Variants in RFX3 observed in about 807,000 individuals in gnomAD.
RFX3 encodes the protein regulatory factor X3.
RFX3 carries 14 observed loss-of-function variants against 98.6 expected under a neutral mutation model. The observed-to-expected ratio is 0.14, with a 90% CI of 0.09 to 0.22. The LOEUF (loss-of-function observed/expected upper bound fraction) is 0.22. RFX3 is among the 10% of genes least tolerant of loss of function. RFX3 has a pLI of 1.00. For synonymous variants in RFX3, 383 were observed against 328.4 expected, an observed-to-expected ratio of 1.17 and a Z score of -1.80; for missense variants, 639 against 926.9, an observed-to-expected ratio of 0.69 and a Z score of 4.03.
At chr9:3,511,887 G>A (rs887304332) in intron 1 of RFX3, among the ~76,000 whole-genome samples, 2 of 152,034 alleles carry the variant, frequency 1.3e-5, no homozygotes, top group Non-Finnish European at 2.9e-5. Context: ...TAGAAATGCT[G>A]TGCTTGTAGG....
chr9:3,466,863 G>A (rs915540973), intron 1 of RFX3, among the ~76,000 whole-genome samples: 2 of 151,256 alleles, frequency 1.3e-5, no homozygotes, highest in Non-Finnish European at 2.9e-5. Context: ...ACCATCCTTG[G>A]ATCTTTTATT....
intron 1 of RFX3, among the ~76,000 whole-genome samples, chr9:3,503,710 G>A (rs1816299340): frequency 6.6e-6 from 1 of 151,930 alleles, no homozygotes; most frequent in South Asian, 2.1e-4. Context: ...CTTTTTACAT[G>A]TACAAAGTTT....
chr9:3,386,951 G>A (rs1839790514), intron 2 of RFX3, among the ~76,000 whole-genome samples: 1 of 152,142 alleles, frequency 6.6e-6, no homozygotes, highest in South Asian at 2.1e-4. Flanking sequence ...TCAACCTTCT[G>A]CAAAGAGGCT....
rs1479681272 is a variant in RFX3 at position 3,338,776 on chromosome 9, G to A, written c.215+7891C>T. On this transcript the variant is annotated intron_variant, in intron 3 of 16. Transcript: ENST00000617270. ...TATGAAACCTGATTTTCACAGGAACGAAAGGGAAAAAGTGTTTTAAAATTT... is the reference window on the plus strand; with the variant it reads ...TATGAAACCTGATTTTCACAGGAACAAAAGGGAAAAAGTGTTTTAAAATTT... Among the ~76,000 whole-genome samples, 4 of 152,116 alleles carry A rather than the reference G, an allele frequency of 2.6e-5. No homozygotes were observed. In the East Asian group the frequency reaches 5.8e-4, roughly 22 times the overall value.
chr9:3,522,141 A>C (rs1320075218), intron 1 of RFX3, among the ~76,000 whole-genome samples: 1 of 152,174 alleles, frequency 6.6e-6, no homozygotes, highest in Non-Finnish European at 1.5e-5. Context: ...TTTGTCAACC[A>C]CTGGAAGTCC....
intron 1 of RFX3, among the ~76,000 whole-genome samples, chr9:3,401,784 C>A (rs769918980): frequency 1.3e-5 from 2 of 152,124 alleles, no homozygotes; most frequent in Non-Finnish European, 2.9e-5. Context: ...CGCCTGTTAA[C>A]GGTTCTTCTT....
At chr9:3,366,707 TTTC>T (rs1168467882) in intron 2 of RFX3, among the ~76,000 whole-genome samples, 14 of 125,120 alleles carry the variant, frequency 1.1e-4, no homozygotes, top group African/African-American at 2.5e-4. Flanking sequence ...TCTTTCTTTC[TTTC>T]TTTCTTTCTT....
At chr9:3,399,983 G>A in intron 1 of RFX3, among the ~76,000 whole-genome samples, 1 of 151,114 alleles carries the variant, frequency 6.6e-6, no homozygotes. Context: ...TTTTGGGTTT[G>A]AAACAATATT....
At chr9:3,488,438 T>G (rs1850455185) in intron 1 of RFX3, among the ~76,000 whole-genome samples, 1 of 152,176 alleles carries the variant, frequency 6.6e-6, no homozygotes, top group Non-Finnish European at 1.5e-5. Context: ...GTCAGATATC[T>G]TCAATCATGA....
At chr9:3,307,073 T>C (rs1037380780) in intron 4 of RFX3, among the ~76,000 whole-genome samples, 1 of 152,106 alleles carries the variant, frequency 6.6e-6, no homozygotes, top group East Asian at 1.9e-4. Context: ...GCCCAAGCTC[T>C]CTTTTTGCCT....
intron 2 of RFX3, among the ~76,000 whole-genome samples, chr9:3,395,135 G>T (rs533931938): frequency 3.1e-4 from 47 of 152,272 alleles, no homozygotes; most frequent in Non-Finnish European, 6.0e-4. Flanking sequence ...CAATATGAAA[G>T]AAATAGAAAG....
chr9:3,512,604 T>C (rs1817760140), intron 1 of RFX3, among the ~76,000 whole-genome samples: 2 of 151,930 alleles, frequency 1.3e-5, no homozygotes, highest in South Asian at 2.1e-4. Context: ...ATCTTTTCTA[T>C]ATACAATGTC....
At chr9:3,449,724 A>G (rs964753723) in intron 1 of RFX3, among the ~76,000 whole-genome samples, 4 of 151,970 alleles carry the variant, frequency 2.6e-5, no homozygotes, top group Admixed American at 1.3e-4. Flanking sequence ...GTGGAAGTGC[A>G]TATCTGTAGT....
At chr9:3,271,720 T>G (rs1252772821) in intron 9 of RFX3, among the ~76,000 whole-genome samples, 1 of 152,090 alleles carries the variant, frequency 6.6e-6, no homozygotes. Flanking sequence ...CAGGTGGAAG[T>G]GAAGGGTGTG....
chr9:3,454,397 C>T (rs1008527879), intron 1 of RFX3, among the ~76,000 whole-genome samples: 1 of 152,092 alleles, frequency 6.6e-6, no homozygotes, highest in African/African-American at 2.4e-5. Flanking sequence ...TTTATACTTT[C>T]TAATTCTTTG....
intron 1 of RFX3, among the ~76,000 whole-genome samples, chr9:3,424,482 C>A (rs1464483216): frequency 1.3e-5 from 2 of 150,592 alleles, no homozygotes; most frequent in African/African-American, 2.4e-5. Flanking sequence ...CTGCCTCAGC[C>A]TCCCGAGTAG....
intron 1 of RFX3, among the ~76,000 whole-genome samples, chr9:3,419,844 A>T (rs1414434112): frequency 6.6e-6 from 1 of 152,148 alleles, no homozygotes; most frequent in Non-Finnish European, 1.5e-5. Context: ...ATAATTTTTT[A>T]TTGTTTTTCA....
intron 7 of RFX3, among the ~76,000 whole-genome samples, chr9:3,285,747 C>T (rs1218371898): frequency 4.0e-5 from 6 of 151,432 alleles, no homozygotes; most frequent in Admixed American, 2.0e-4. Flanking sequence ...ATTCCTGTTT[C>T]GTAAGAAATA....
chr9:3,479,867 G>C (rs149862263), intron 1 of RFX3, among the ~76,000 whole-genome samples: 1 of 152,298 alleles, frequency 6.6e-6, no homozygotes, highest in East Asian at 1.9e-4. Context: ...ACTCAGAACA[G>C]AGATTGAGTT....
Sources: gnomAD v4.1 joint callset for allele counts (sites outside exome capture counted in the v4.1 genomes callset) on GRCh38, gnomAD v4.1.1 for gene constraint, MANE v1.5 for transcripts, NCBI Gene and HGNC (gene_info 2026-07-23, HGNC 2026-07-21) for gene names.